PTPRD: variants seen among roughly 807,000 people sequenced by gnomAD.
The protein encoded by PTPRD is protein tyrosine phosphatase receptor type D, also known as receptor-type tyrosine-protein phosphatase delta.
In PTPRD, 34 loss-of-function variants were observed where a neutral mutation model predicts 214.5. The observed-to-expected ratio is 0.16, with a 90% CI of 0.12 to 0.21. PTPRD has a LOEUF of 0.21. Ranked by LOEUF, PTPRD falls within the 10% of genes least tolerant of loss-of-function variation. PTPRD has a pLI of 1.00. For synonymous variants in PTPRD, 1,128 were observed against 845.7 expected, an observed-to-expected ratio of 1.33 and a Z score of -5.79; for missense variants, 2,545 against 2,398.7, an observed-to-expected ratio of 1.06 and a Z score of -1.27.
chr9:8,574,306 A>G (rs2154240900), intron 14 of PTPRD, among the ~76,000 whole-genome samples: 1 of 152,152 alleles, frequency 6.6e-6, no homozygotes, highest in South Asian at 2.1e-4. Flanking sequence ...AATAAATATT[A>G]TTTTAATTTA....
chr9:8,810,288 C>T (rs2096775407), intron 11 of PTPRD, among the ~76,000 whole-genome samples: 1 of 152,110 alleles, frequency 6.6e-6, no homozygotes, highest in Admixed American at 6.5e-5. Context: ...AACAACATGC[C>T]CATTTCCTTG....
chr9:10,580,887 G>A (rs2071485742), intron 2 of PTPRD, among the ~76,000 whole-genome samples: 1 of 151,970 alleles, frequency 6.6e-6, no homozygotes, highest in Admixed American at 6.6e-5. Flanking sequence ...ATATATCATA[G>A]ACTTGCATGT....
At chr9:9,621,551 G>C (rs149186857) in intron 7 of PTPRD, among the ~76,000 whole-genome samples, 2 of 152,194 alleles carry the variant, frequency 1.3e-5, no homozygotes, top group Non-Finnish European at 2.9e-5. Flanking sequence ...CTGTGGATGT[G>C]ATGTGGATGC....
At chr9:9,048,242 G>T (rs2154391236) in intron 10 of PTPRD, among the ~76,000 whole-genome samples, 1 of 152,244 alleles carries the variant, frequency 6.6e-6, no homozygotes, top group South Asian at 2.1e-4. Flanking sequence ...GAGCAGTTTG[G>T]AGGTTCCTCA....
At chr9:9,089,548 A>G (rs1485212469) in intron 10 of PTPRD, among the ~76,000 whole-genome samples, 1 of 152,230 alleles carries the variant, frequency 6.6e-6, no homozygotes, top group Non-Finnish European at 1.5e-5. Context: ...AACTCATAGT[A>G]TGCAAGGGCC....
At chr9:10,235,501 C>T (rs2099626127) in intron 3 of PTPRD, among the ~76,000 whole-genome samples, 1 of 151,964 alleles carries the variant, frequency 6.6e-6, no homozygotes, top group Admixed American at 6.6e-5. Flanking sequence ...CATTAGCCAG[C>T]ACATATTGTG....
intron 10 of PTPRD, among the ~76,000 whole-genome samples, chr9:9,175,964 A>T (rs959727755): frequency 6.6e-6 from 1 of 152,118 alleles, no homozygotes; most frequent in Non-Finnish European, 1.5e-5. Flanking sequence ...TCACTCTTGA[A>T]CTCAACTTCT....
At chr9:10,110,602 A>G (rs115092226) in intron 3 of PTPRD, among the ~76,000 whole-genome samples, 8,722 of 152,290 alleles carry the variant, frequency 0.057, 330 homozygotes, top group Admixed American at 0.1. Flanking sequence ...AAATGGAGGA[A>G]AAGAGCAATT....
Position 10,422,854 on chromosome 9 carries a change from G to A in PTPRD, c.-599-81837C>T, listed in dbSNP as rs147085350. On this transcript the variant is annotated intron_variant, in intron 2 of 45. Transcript: ENST00000381196. ...AAATAGGAAAGCTTTTACACTGTTG[G>A]TGGGAGTGTAAACAAGTTCAACCAT... Among the ~76,000 whole-genome samples, 55 of 152,222 alleles carry A rather than the reference G, an allele frequency of 3.6e-4. 1 individual carries two copies. Among genetic ancestry groups the A allele is most frequent in the African/African-American group, 1.2e-3 (50 of 41,546 alleles).
At chr9:9,821,303 T>A (rs374606320) in intron 5 of PTPRD, among the ~76,000 whole-genome samples, 2 of 152,176 alleles carry the variant, frequency 1.3e-5, no homozygotes, top group South Asian at 4.1e-4. Flanking sequence ...TTTTGAGACA[T>A]TTAACCACTG....
At chr9:9,924,046 A>T (rs2083436574) in intron 5 of PTPRD, among the ~76,000 whole-genome samples, 1 of 152,048 alleles carries the variant, frequency 6.6e-6, no homozygotes, top group African/African-American at 2.4e-5. Context: ...TATAAACTTC[A>T]GGAAAAATAA....
At chr9:8,547,819 G>A (rs1271061495) in intron 14 of PTPRD, among the ~76,000 whole-genome samples, 1 of 152,056 alleles carries the variant, frequency 6.6e-6, no homozygotes, top group Non-Finnish European at 1.5e-5. Context: ...CAAAGCACAT[G>A]TTTACATTAC....
intron 4 of PTPRD, among the ~76,000 whole-genome samples, chr9:9,995,026 T>TAA (rs1479600851): frequency 6.6e-6 from 1 of 152,156 alleles, no homozygotes; most frequent in African/African-American, 2.4e-5. Context: ...AATGAGTTTA[T>TAA]TAAGTTTAAG....
chr9:9,236,827 C>A (rs1356723015), intron 9 of PTPRD, among the ~76,000 whole-genome samples: 1 of 151,898 alleles, frequency 6.6e-6, no homozygotes, highest in Non-Finnish European at 1.5e-5. Context: ...TGTGTTAAGC[C>A]CCACTGTGGC....
intron 5 of PTPRD, among the ~76,000 whole-genome samples, chr9:9,840,045 A>T (rs1160311084): frequency 5.3e-5 from 8 of 151,932 alleles, no homozygotes; most frequent in Non-Finnish European, 1.2e-4. Context: ...ATTATTATTT[A>T]TTATTTTTCT....
intron 3 of PTPRD, among the ~76,000 whole-genome samples, chr9:10,230,218 T>C (rs955191376): frequency 6.6e-6 from 1 of 152,014 alleles, no homozygotes; most frequent in Non-Finnish European, 1.5e-5. Context: ...TTGGAAGGAA[T>C]CAATCCTACC....
intron 8 of PTPRD, among the ~76,000 whole-genome samples, chr9:9,431,557 T>C (rs1323247089): frequency 2.6e-5 from 4 of 152,192 alleles, no homozygotes; most frequent in Admixed American, 6.5e-5. Context: ...TTACTGGGCA[T>C]ATACCCAAAG....
intron 12 of PTPRD, among the ~76,000 whole-genome samples, chr9:8,717,093 G>T (rs1348786826): frequency 6.6e-6 from 1 of 152,044 alleles, no homozygotes; most frequent in Non-Finnish European, 1.5e-5. Context: ...CAGAAGGCAG[G>T]GGTTGCACCT....
intron 2 of PTPRD, among the ~76,000 whole-genome samples, chr9:10,445,473 C>G (rs2154524670): frequency 6.6e-6 from 1 of 152,104 alleles, no homozygotes; most frequent in East Asian, 1.9e-4. Context: ...GAAAGGAACA[C>G]ATTTGAAAAA....
Sources: allele counts gnomAD v4.1 joint callset (sites outside exome capture counted in the v4.1 genomes callset), GRCh38; gene constraint gnomAD v4.1.1; transcripts MANE v1.5; gene names NCBI Gene and HGNC (gene_info 2026-07-23, HGNC 2026-07-21).